The following GNPDA1 variants were observed in gnomAD, a reference collection of about 807,000 sequenced individuals.
The protein encoded by GNPDA1 is GNPDA 1.
GNPDA1 carries 24 observed loss-of-function variants against 28.5 expected under a neutral mutation model. The ratio of observed to expected loss-of-function variants is 0.84; its 90% CI spans 0.61 to 1.19. The LOEUF (loss-of-function observed/expected upper bound fraction) is 1.19, where lower values mean the gene tolerates loss of function less well. Ranked by LOEUF, GNPDA1 falls within the 50% of genes most tolerant of loss-of-function variation. GNPDA1 has a pLI of 0.00. For synonymous variants in GNPDA1, 147 were observed against 139.3 expected, an observed-to-expected ratio of 1.06 and a Z score of -0.39; for missense variants, 264 against 367.3, an observed-to-expected ratio of 0.72 and a Z score of 2.30.
At position 142,003,375 on chromosome 5, in the gene GNPDA1, T is replaced by C; in HGVS notation, c.595-113A>G. Reference sequence around the variant, plus strand: ...TGTAAGTGGTTACCATGCAACATACTTTTGCTCAGTGCTCCCTGTGCTTTA... The same window carrying C: ...TGTAAGTGGTTACCATGCAACATACCTTTGCTCAGTGCTCCCTGTGCTTTA... On this transcript the variant is annotated intron_variant, in intron 5 of 6. Transcript: ENST00000311337. This position sits in a 1 kb window ranked among gnomAD's most constrained non-coding sequence, Gnocchi z 4.0. 1 of 682,112 alleles carries C rather than the reference T, an allele frequency of 1.5e-6. No individual in the cohort carries two copies. Among genetic ancestry groups the C allele is most frequent in the Non-Finnish European group, 2.5e-6 (1 of 400,810 alleles). The allele number at this position is 682,112 out of a possible 1,614,324, so 42.3% of individuals were successfully genotyped here. A position where few individuals can be genotyped will look rare whatever the true frequency, so the allele number is the denominator to read the frequency against.
rs1755875159 is a variant in GNPDA1 at position 142,009,058 on chromosome 5, A to AGTGTG, written c.125-1159_125-1158insCACAC. Among the ~76,000 whole-genome samples, 4 of 140,486 alleles carry AGTGTG rather than the reference A, an allele frequency of 2.8e-5. No homozygotes were observed. In the South Asian group the frequency reaches 8.9e-4, roughly 31 times the overall value. The allele number at this position is 140,486 out of a possible 152,430, so 92.2% of individuals were successfully genotyped here. On this transcript the variant is annotated intron_variant, in intron 2 of 6. Transcript: ENST00000311337. ...TATTTTCATGTGGTTCAGAAAAAAA[A>AGTGTG]AGTGTGTGTGTGTGTAGATAAAGAA...
In GNPDA1 at chr5:142,003,151, C is replaced by T. The variant is rs762824840; in HGVS notation, c.706G>A (p.Val236Met). Residue 236 changes from valine (V) to methionine (M), a missense_variant, in exon 6 of 7, where the codon GTG becomes ATG. Physicochemically the swap from Val to Met is conservative, Grantham distance 21 (BLOSUM62 1). Coordinates refer to ENST00000311337, the MANE Select transcript of GNPDA1 (RefSeq NM_005471.5). This position sits in a 1 kb window ranked among gnomAD's most constrained non-coding sequence, Gnocchi z 4.0. ...GTGGCATCCTCGTCACACACAAACA[C>T]GGTGCGGGGATGCTGCTGGAAGGCA... ...VSAFQQHPRTVFVCDEDATLE... is the reference protein window; with the variant it reads ...VSAFQQHPRTMFVCDEDATLE... 3.7e-6 allele frequency: 6 copies of T among 1,614,122 alleles called. No homozygotes were observed. Among genetic ancestry groups the T allele is most frequent in the Middle Eastern group, 1.6e-4 (1 of 6,062 alleles).
intron 4 of GNPDA1, 128 bp from the exon 5 acceptor site, chr5:142,005,244 G>T: frequency 4.5e-6 from 3 of 669,472 alleles, no homozygotes; most frequent in Non-Finnish European, 7.6e-6. Flanking sequence ...TTTCTCATTT[G>T]CAGCCCTGGG....
intron 1 of GNPDA1, 160 bp from the exon 2 acceptor site, chr5:142,012,201 C>T: frequency 1.6e-6 from 1 of 630,732 alleles, no homozygotes; most frequent in South Asian, 2.6e-5. Context: ...AGCTAAGAGG[C>T]TAGGCCAGTC....
intron 2 of GNPDA1, among the ~76,000 whole-genome samples, chr5:142,009,151 T>C (rs1207528292): frequency 6.6e-6 from 1 of 152,194 alleles, no homozygotes; most frequent in Non-Finnish European, 1.5e-5. Flanking sequence ...AGGTGAATGG[T>C]ATTGACCTGT....
At chr5:142,010,438 C>A (rs892794273) in intron 2 of GNPDA1, among the ~76,000 whole-genome samples, 1 of 149,046 alleles carries the variant, frequency 6.7e-6, no homozygotes, top group Non-Finnish European at 1.5e-5. Context: ...GGATTACAGG[C>A]GTGAGCCACC....
rs759248671 is a variant in GNPDA1, at chr5:142,002,043, GT to G, written c.855del (p.Lys285AsnfsTer37). 1 of 1,577,502 alleles carries G rather than the reference GT, an allele frequency of 6.3e-7. No homozygotes were observed. The highest frequency in any genetic ancestry group is 2.2e-5 in the East Asian group (1 of 44,730). On this transcript the variant is annotated frameshift_variant, in exon 7 of 7. Transcript: ENST00000311337. LOFTEE classifies it high-confidence loss of function. ...KETEKSQSSK[K>X]PYSD Reference sequence around the variant, plus strand: ...CCCAGCACAGGCTAATCGCTGTATGGTTTCTTCGAAGATTGGCTTTTCTCAG... The same window carrying G: ...CCCAGCACAGGCTAATCGCTGTATGGTTCTTCGAAGATTGGCTTTTCTCAG...
intron 1 of GNPDA1, 31 bp from the exon 2 acceptor site, chr5:142,012,072 G>T: frequency 6.4e-7 from 1 of 1,569,552 alleles, no homozygotes. Context: ...TGACAGAAAG[G>T]AATCAATGGT....
chr5:142,007,872 C>T lies in GNPDA1; in HGVS notation c.153G>A (p.Lys51=). The change falls in exon 3 of 7, where the codon AAG becomes AAA. Residue 51 remains lysine (K), a synonymous_variant. Coordinates refer to ENST00000311337, the MANE Select transcript of GNPDA1 (RefSeq NM_005471.5). ...CCCCATTCTTATAGTATTCAATCAG[C>T]TTCTTGTAGCAGCCAAGTGGGGTAC... ...TGSTPLGCYK[K]LIEYYKNGDL... 6.2e-7 allele frequency: 1 copy of T among 1,612,480 alleles called. No homozygotes were observed. The highest frequency in any genetic ancestry group is 8.5e-7 in the Non-Finnish European group (1 of 1,178,484).
At position 142,003,571 on chromosome 5, in the gene GNPDA1, C is replaced by T. The variant is rs922401994; in HGVS notation, c.595-309G>A. 5.3e-5 allele frequency among the ~76,000 whole-genome samples: 8 copies of T among 152,172 alleles called. No individual in the cohort carries two copies. Among genetic ancestry groups the T allele is most frequent in the African/African-American group, 1.9e-4 (8 of 41,438 alleles). On this transcript the variant is annotated intron_variant, in intron 5 of 6. Coordinates refer to ENST00000311337, the MANE Select transcript of GNPDA1 (RefSeq NM_005471.5). This position sits in a 1 kb window ranked among gnomAD's most constrained non-coding sequence, Gnocchi z 4.0. ...CTTTGATGATGACTATGAAGGTGCC[C>T]TGTAAACAGACATGCCATGCCCAGG...
chr5:142,002,157 T>G, intron 6 of GNPDA1, 28 bp from the exon 7 acceptor site: 1 of 1,213,692 alleles, frequency 8.2e-7, no homozygotes, highest in Non-Finnish European at 1.2e-6. Context: ...CAAAAAGTAG[T>G]TAATTCAGGC....
chr5:142,006,430 G>T (rs2127092446), intron 3 of GNPDA1, 104 bp from the exon 4 acceptor site: 1 of 835,828 alleles, frequency 1.2e-6, no homozygotes, highest in Non-Finnish European at 1.9e-6. Context: ...ACTCCCAGGG[G>T]TCTGCCCATC....
At chr5:142,004,902 CGCAA>C in intron 5 of GNPDA1, 26 bp downstream of exon 5, 1 of 1,493,484 alleles carries the variant, frequency 6.7e-7, no homozygotes, top group Non-Finnish European at 9.2e-7. Context: ...AGTCCACCAG[CGCAA>C]GCTGGTGGGG....
At chr5:142,009,109 A>C (rs980074172) in intron 2 of GNPDA1, among the ~76,000 whole-genome samples, 1 of 152,196 alleles carries the variant, frequency 6.6e-6, no homozygotes, top group Admixed American at 6.5e-5. Context: ...GGTAAAAGCA[A>C]ATGTGGCAAA....
chr5:142,006,229 A>G lies in GNPDA1; in HGVS notation c.324T>C (p.Asp108=). 1 of 1,614,012 alleles carries G rather than the reference A, an allele frequency of 6.2e-7. No individual in the cohort carries two copies. The highest frequency in any genetic ancestry group is 1.3e-5 in the African/African-American group (1 of 75,038). Residue 108 remains aspartate (D), a synonymous_variant, in exon 4 of 7, where the codon GAT becomes GAC. Transcript: ENST00000311337. ...DIHPENTHIL[D]GNAVDLQAEC... is the part of the protein sequence containing the mutation. ...CTGCCTGTAGGTCGACTGCATTCCC[A>G]TCCAGAATGTGGGTGTTTTCTGGGT...
chr5:142,002,997 A>T, intron 6 of GNPDA1, 91 bp downstream of exon 6: 2 of 1,019,182 alleles, frequency 2.0e-6, no homozygotes, highest in South Asian at 1.6e-5. Flanking sequence ...GTTGTCAATT[A>T]AAATGACCAG....
chr5:142,012,650 G>A (rs914237381), intron 1 of GNPDA1: 1 of 623,240 alleles, frequency 1.6e-6, no homozygotes, highest in Non-Finnish European at 2.0e-6. Context: ...CTAGCGGAGG[G>A]GTCTTCCTAC....
At position 142,011,969 on chromosome 5, in the gene GNPDA1, G is replaced by A. The variant is rs761772691; in HGVS notation, c.67C>T (p.Arg23Cys). Residue 23 changes from arginine to cysteine, a missense_variant, in exon 2 of 7, where the codon CGC becomes TGC. Transcript: ENST00000311337. ...SEWAAKYIRN[R>C]IIQFNPGPEK... ...GGCCCTGGGTTAAACTGGATGATGC[G>A]GTTCCTGATGTATTTAGCCGCCCAC... 1.9e-6 allele frequency: 3 copies of A among 1,613,410 alleles called. No individual in the cohort carries two copies. The South Asian group carries it at 3.3e-5, about 18-fold the overall frequency.
intron 5 of GNPDA1, among the ~76,000 whole-genome samples, chr5:142,004,357 G>A (rs1318695210): frequency 2.0e-5 from 3 of 152,126 alleles, no homozygotes; most frequent in Non-Finnish European, 2.9e-5. Context: ...ACGTCAGAAA[G>A]GAAGAGAAAA....
Sources: allele counts gnomAD v4.1 joint callset (sites outside exome capture counted in the v4.1 genomes callset), GRCh38; gene constraint gnomAD v4.1.1; non-coding constraint Gnocchi (gnomAD v3.1); transcripts MANE v1.5; gene names NCBI Gene and HGNC (gene_info 2026-07-23, HGNC 2026-07-21).